WASHC2C: variants seen among roughly 807,000 people sequenced by gnomAD.
WASHC2C encodes the protein Vaccinia Penetration Factor.
Under a neutral mutation model 142.2 loss-of-function variants are expected in WASHC2C, and 73 were observed. The ratio of observed to expected loss-of-function variants is 0.51; its 90% CI spans 0.43 to 0.62. The LOEUF is 0.62. WASHC2C is among the 20% of genes least tolerant of loss of function. The probability of loss-of-function intolerance (pLI) is 0.00; values close to 1 mark genes in which losing one functional copy is unlikely to be tolerated. For missense variants in WASHC2C, 969 were observed against 1,531.7 expected, an observed-to-expected ratio of 0.63 and a Z score of 6.13; for synonymous variants, 337 against 565.5, an observed-to-expected ratio of 0.60 and a Z score of 5.73.
chr10:45,733,337 T>G (rs2050828067), intron 3 of WASHC2C, among the ~76,000 whole-genome samples: 1 of 152,190 alleles, frequency 6.6e-6, no homozygotes, highest in African/African-American at 2.4e-5. Context: ...AATATTTGAA[T>G]GAATGAGAGT....
intron 5 of WASHC2C, among the ~76,000 whole-genome samples, chr10:45,740,817 C>T: frequency 6.6e-6 from 1 of 152,170 alleles, no homozygotes; most frequent in Admixed American, 6.5e-5. Flanking sequence ...CACTTTCTCC[C>T]ACATTGTTCA....
chr10:45,727,794 A>T (rs2050062006), intron 2 of WASHC2C, among the ~76,000 whole-genome samples: 1 of 151,802 alleles, frequency 6.6e-6, no homozygotes, highest in Non-Finnish European at 1.5e-5. Flanking sequence ...CGGAGGGGAG[A>T]TCCGTTTCCG....
At chr10:45,784,269 T>TATATATATATATACACACACACACAC (rs2057788631) in intron 23 of WASHC2C, among the ~76,000 whole-genome samples, 2 of 13,488 alleles carry the variant, frequency 1.5e-4, no homozygotes, top group Admixed American at 1.1e-3. Flanking sequence ...TATATATATA[T>TATATATATATATACACACACACACAC]ATATATATAT....
Position 45,727,295 on chromosome 10 carries a change from G to T in WASHC2C, c.-23G>T. 1 of 1,560,856 alleles carries T rather than the reference G, an allele frequency of 6.4e-7. No homozygotes were observed. Among genetic ancestry groups the T allele is most frequent in the Non-Finnish European group, 8.7e-7 (1 of 1,154,206 alleles). On this transcript the variant is annotated 5_prime_UTR_variant, in exon 1 of 31. Coordinates refer to ENST00000623400, the MANE Select transcript of WASHC2C (RefSeq NM_001330074.2). ...CTCGGCCTGTGCTGGCAGCCTCGGA[G>T]CCCACCGAGCCGGGCGGCTGGGATG...
In WASHC2C at chr10:45,786,998, T is replaced by A. The variant is rs781784011; in HGVS notation, c.2875-37T>A. 1.4e-5 allele frequency: 22 copies of A among 1,600,264 alleles called. No homozygotes were observed. The South Asian group carries it at 2.3e-4, about 17-fold the overall frequency. The stretch of plus-strand genomic sequence containing the variant: ...CAATAAAGATAATAGACTGCTGTGT[T>A]GAAGAACAAATACAGAGTTTCATTT... On this transcript the variant is annotated intron_variant, in intron 27 of 30. Transcript: ENST00000623400.
intron 8 of WASHC2C, among the ~76,000 whole-genome samples, chr10:45,748,993 G>A (rs2053198742): frequency 6.6e-6 from 1 of 152,176 alleles, no homozygotes; most frequent in South Asian, 2.1e-4. Context: ...TATCATCCTG[G>A]ATTTGTTATT....
At chr10:45,790,581 T>A in intron 30 of WASHC2C, 48 bp downstream of exon 30, 1 of 1,612,008 alleles carries the variant, frequency 6.2e-7, no homozygotes, top group Non-Finnish European at 8.5e-7. Context: ...TACCTTTCCA[T>A]CACTTGGTAT....
At chr10:45,780,743 C>G (rs2057430228) in intron 23 of WASHC2C, among the ~76,000 whole-genome samples, 1 of 149,838 alleles carries the variant, frequency 6.7e-6, no homozygotes, top group South Asian at 2.1e-4. Context: ...AAAGTTACTA[C>G]TAGTAACTTT....
intron 17 of WASHC2C, among the ~76,000 whole-genome samples, chr10:45,762,295 C>T (rs1369130028): frequency 3.3e-5 from 5 of 152,178 alleles, no homozygotes; most frequent in Non-Finnish European, 7.3e-5. Flanking sequence ...TCACTGCAAC[C>T]TCTGCCTTCC....
chr10:45,789,159 G>C lies in WASHC2C; in HGVS notation c.3376G>C (p.Glu1126Gln). ...AAAGTCTCTGGGTCATTCCAGAGGG[G>C]AGGCTGACCTTTTTGATTCTGGGGA... ...FAKSLGHSRGEADLFDSGDIF... is the reference protein window; with the variant it reads ...FAKSLGHSRGQADLFDSGDIF... Residue 1126 changes from glutamate to glutamine, a missense_variant, in exon 29 of 31, where the codon GAG (glutamate) becomes CAG (glutamine). By Grantham distance (29) the Glu-to-Gln change is conservative. Coordinates refer to ENST00000623400, the MANE Select transcript of WASHC2C (RefSeq NM_001330074.2). The C allele has an allele frequency of 6.2e-7, 1 of 1,612,080 alleles. No individual in the cohort carries two copies. Among genetic ancestry groups the C allele is most frequent in the South Asian group, 1.1e-5 (1 of 90,996 alleles).
chr10:45,757,125 A>G lies in WASHC2C; in HGVS notation c.1534A>G (p.Arg512Gly), dbSNP rs569918131. Residue 512 changes from arginine to glycine, a missense_variant, in exon 16 of 31, where the codon AGA (arginine) becomes GGA (glycine). Arg to Gly is a moderately radical substitution (Grantham distance 125). Transcript: ENST00000623400. ...TVSQTDENKA[R>G]AEKKVTLSYS... ...GAGTCAGACAGATGAAAATAAAGCA[A>G]GAGCAGAAAAAAAGGTGAGCAGGAG... The G allele has an allele frequency of 6.2e-7, 1 of 1,602,296 alleles. No homozygotes were observed. The highest frequency in any genetic ancestry group is 8.5e-7 in the Non-Finnish European group (1 of 1,177,580).
At chr10:45,753,480 C>G (rs2053850089) in intron 13 of WASHC2C, among the ~76,000 whole-genome samples, 1 of 136,310 alleles carries the variant, frequency 7.3e-6, no homozygotes, top group Non-Finnish European at 1.5e-5. Context: ...CATAGAAAGT[C>G]AAACAAGAAA....
chr10:45,756,972 T>G, intron 15 of WASHC2C, 40 bp from the exon 16 acceptor site: 1 of 1,529,816 alleles, frequency 6.5e-7, no homozygotes, highest in Non-Finnish European at 8.8e-7. Flanking sequence ...GATAGGATGT[T>G]TGACGTTAGT....
At chr10:45,743,887 C>T (rs1370683605) in intron 6 of WASHC2C, among the ~76,000 whole-genome samples, 1 of 144,300 alleles carries the variant, frequency 6.9e-6, no homozygotes, top group Admixed American at 6.9e-5. Context: ...TAGCTGGGAC[C>T]ACAGGCGTGC....
rs879990781 is a variant in WASHC2C, at chr10:45,765,691, G to A, written c.1750G>A (p.Gly584Arg). 3.7e-6 allele frequency: 6 copies of A among 1,611,686 alleles called. No individual in the cohort carries two copies. In the South Asian group the frequency reaches 4.4e-5, roughly 12 times the overall value. The change falls in exon 19 of 31, where the codon GGG becomes AGG. Residue 584 changes from glycine to arginine, a missense_variant. Transcript: ENST00000623400. ...TTTGCTTTTCTAGGATAATCTTTTTGGGGGTACAGCTGCTAAGAAGCAGAC... is the reference window on the plus strand; with the variant it reads ...TTTGCTTTTCTAGGATAATCTTTTTAGGGGTACAGCTGCTAAGAAGCAGAC... ...DDEDEEDNLF[G>R]GTAAKKQTLS...
intron 23 of WASHC2C, among the ~76,000 whole-genome samples, chr10:45,780,820 C>T (rs1554887793): frequency 1.3e-5 from 2 of 150,120 alleles, no homozygotes; most frequent in Non-Finnish European, 3.0e-5. Context: ...ATGGCACAAT[C>T]TTGGCTCACT....
At chr10:45,758,532 G>T (rs558613482) in intron 16 of WASHC2C, among the ~76,000 whole-genome samples, 1 of 150,976 alleles carries the variant, frequency 6.6e-6, no homozygotes, top group Admixed American at 6.6e-5. Context: ...CTCCTTCCCC[G>T]ATTTTTAGTA....
At position 45,746,652 on chromosome 10, in the gene WASHC2C, G is replaced by A. The variant is rs1554871243; in HGVS notation, c.732+5G>A. 3 of 1,613,154 alleles carry A rather than the reference G, an allele frequency of 1.9e-6. No individual in the cohort carries two copies. Among genetic ancestry groups the A allele is most frequent in the Non-Finnish European group, 2.5e-6 (3 of 1,179,398 alleles). ...AGTGACAATGAACAAAACCAGGTAA[G>A]GCTCATATATTGAAATGACTTTGTT... On this transcript the variant is annotated splice_donor_5th_base_variant and intron_variant, in intron 8 of 30. Coordinates refer to ENST00000623400, the MANE Select transcript of WASHC2C (RefSeq NM_001330074.2).
intron 5 of WASHC2C, among the ~76,000 whole-genome samples, chr10:45,740,677 G>A (rs1285883090): frequency 5.9e-5 from 9 of 152,166 alleles, no homozygotes; most frequent in African/African-American, 2.2e-4. Context: ...TTGGGCTAAG[G>A]AAGACTGCAG....
Sources: allele counts gnomAD v4.1 joint callset (sites outside exome capture counted in the v4.1 genomes callset), GRCh38; gene constraint gnomAD v4.1.1; transcripts MANE v1.5; gene names NCBI Gene and HGNC (gene_info 2026-07-23, HGNC 2026-07-21).